STK33: variants seen among roughly 807,000 people sequenced by gnomAD.
The protein encoded by STK33 is serine/threonine-protein kinase 33.
A neutral mutation model predicts 58.0 loss-of-function variants in STK33; 52 were observed. The observed-to-expected ratio is 0.90, with a 90% CI of 0.72 to 1.13. The LOEUF is 1.13. STK33 is among the 50% of genes most tolerant of loss of function. The probability of loss-of-function intolerance (pLI) is 0.00; values close to 1 mark genes in which losing one functional copy is unlikely to be tolerated. For missense variants in STK33, 630 were observed against 604.2 expected (o/e 1.04, Z -0.45); for synonymous variants, 215 against 200.1 (o/e 1.07, Z -0.63).
intron 1 of STK33, among the ~76,000 whole-genome samples, chr11:8,591,599 C>T (rs1459921675): frequency 3.3e-5 from 5 of 152,178 alleles, no homozygotes; most frequent in Admixed American, 1.3e-4. Flanking sequence ...CCAGCATTCC[C>T]TCATCCTCCA....
intron 8 of STK33, 61 bp downstream of exon 8, chr11:8,461,744 G>A: frequency 7.6e-7 from 1 of 1,312,552 alleles, no homozygotes; most frequent in Non-Finnish European, 1.0e-6. Flanking sequence ...TTTCAGAATG[G>A]AATGATATTC....
chr11:8,398,486 G>T (rs183327947), intron 15 of STK33, among the ~76,000 whole-genome samples: 2 of 152,142 alleles, frequency 1.3e-5, no homozygotes, highest in East Asian at 3.9e-4. Flanking sequence ...AGGAACAAAA[G>T]GTTCCAGCCA....
chr11:8,519,802 G>C (rs1953214478), intron 1 of STK33, among the ~76,000 whole-genome samples: 1 of 152,146 alleles, frequency 6.6e-6, no homozygotes, highest in African/African-American at 2.4e-5. Flanking sequence ...GAAAGAGGTT[G>C]AATCCCTGAA....
chr11:8,441,102 G>GC (rs1488562038), intron 11 of STK33, among the ~76,000 whole-genome samples: 1 of 152,136 alleles, frequency 6.6e-6, no homozygotes, highest in African/African-American at 2.4e-5. Flanking sequence ...TTAAATATAT[G>GC]CCTTAAGTAG....
At chr11:8,417,574 G>T (rs1941310196) in intron 14 of STK33, among the ~76,000 whole-genome samples, 1 of 152,242 alleles carries the variant, frequency 6.6e-6, no homozygotes, top group Admixed American at 6.5e-5. Context: ...GAAGCTAAAG[G>T]AAACATTCTG....
the STK33 span, among the ~76,000 whole-genome samples, chr11:8,362,428 A>G: frequency 3.3e-5 from 5 of 152,170 alleles, no homozygotes; most frequent in African/African-American, 1.2e-4. Flanking sequence ...ATGCCCACAC[A>G]CGGCTCCCCG....
At chr11:8,585,916 G>A (rs1196692365) in intron 1 of STK33, among the ~76,000 whole-genome samples, 1 of 152,010 alleles carries the variant, frequency 6.6e-6, no homozygotes, top group Non-Finnish European at 1.5e-5. Flanking sequence ...AGCCAGGTGT[G>A]GTGGCACACA....
the STK33 span, among the ~76,000 whole-genome samples, chr11:8,347,247 C>T: frequency 4.6e-5 from 7 of 152,208 alleles, no homozygotes; most frequent in Non-Finnish European, 1.0e-4. Context: ...GAAGGACATC[C>T]GGCCTACTGC....
chr11:8,360,892 T>G, the STK33 span, among the ~76,000 whole-genome samples: 18 of 152,240 alleles, frequency 1.2e-4, no homozygotes, highest in Non-Finnish European at 2.5e-4. Flanking sequence ...CTTGCTTGGT[T>G]TAGATCCATG....
chr11:8,393,219 T>G (rs1848820589), intron 15 of STK33, among the ~76,000 whole-genome samples: 1 of 152,234 alleles, frequency 6.6e-6, no homozygotes, highest in Non-Finnish European at 1.5e-5. Context: ...CCTGTAGACC[T>G]CTTTGAGCCT....
chr11:8,394,101 A>T (rs1848950256), intron 15 of STK33, among the ~76,000 whole-genome samples: 1 of 152,300 alleles, frequency 6.6e-6, no homozygotes, highest in Non-Finnish European at 1.5e-5. Context: ...TTCCCCCCTA[A>T]GCAAACTTCT....
At chr11:8,591,236 C>T (rs1239441878) in intron 1 of STK33, among the ~76,000 whole-genome samples, 1 of 152,142 alleles carries the variant, frequency 6.6e-6, no homozygotes, top group Non-Finnish European at 1.5e-5. Flanking sequence ...GACACGAGTA[C>T]CCACCTTTGT....
intron 1 of STK33, among the ~76,000 whole-genome samples, chr11:8,560,588 C>G (rs1371631189): frequency 6.6e-6 from 1 of 151,982 alleles, no homozygotes; most frequent in Non-Finnish European, 1.5e-5. Flanking sequence ...TTAATCTTTT[C>G]TTTTGTGGTC....
the STK33 span, among the ~76,000 whole-genome samples, chr11:8,373,828 G>A: frequency 2.6e-5 from 4 of 152,186 alleles, no homozygotes; most frequent in East Asian, 3.9e-4. Context: ...CCTGGAACCC[G>A]TGCCTTTGAC....
chr11:8,566,245 G>A (rs1957437123), intron 1 of STK33, among the ~76,000 whole-genome samples: 2 of 152,182 alleles, frequency 1.3e-5, no homozygotes, highest in South Asian at 4.1e-4. Context: ...TAGACCCTCA[G>A]TTTCTGCATC....
intron 1 of STK33, among the ~76,000 whole-genome samples, chr11:8,539,346 T>G (rs1436462074): frequency 1.3e-5 from 2 of 152,180 alleles, no homozygotes; most frequent in African/African-American, 4.8e-5. Context: ...AAATGTTCCC[T>G]CAGTGAGGTG....
intron 14 of STK33, among the ~76,000 whole-genome samples, chr11:8,416,681 C>T (rs1012044005): frequency 6.6e-6 from 1 of 152,160 alleles, no homozygotes; most frequent in East Asian, 1.9e-4. Context: ...AGCTTGGTAG[C>T]TGAGATTCTA....
intron 11 of STK33, among the ~76,000 whole-genome samples, chr11:8,450,509 A>G (rs1946141214): frequency 2.0e-5 from 3 of 152,166 alleles, no homozygotes. Context: ...TACCTATGTA[A>G]CAAACCTACA....
intron 1 of STK33, among the ~76,000 whole-genome samples, chr11:8,591,454 G>GT (rs2032579438): frequency 6.6e-6 from 1 of 152,278 alleles, no homozygotes; most frequent in Middle Eastern, 3.4e-3. Flanking sequence ...ACATAAAATT[G>GT]TTTTAATTTC....
Sources: gnomAD v4.1 joint callset for allele counts (sites outside exome capture counted in the v4.1 genomes callset) on GRCh38, gnomAD v4.1.1 for gene constraint, MANE v1.5 for transcripts, NCBI Gene and HGNC (gene_info 2026-07-23, HGNC 2026-07-21) for gene names.